EFCAB8: variants seen among roughly 807,000 people sequenced by gnomAD.
EFCAB8 encodes the protein EF-hand calcium-binding domain-containing protein 8.
Under a neutral mutation model 116.3 loss-of-function variants are expected in EFCAB8, and 100 were observed. The ratio of observed to expected loss-of-function variants is 0.86; its 90% confidence interval spans 0.73 to 1.02. The LOEUF is 1.02. EFCAB8 is among the 50% of genes least tolerant of loss of function. EFCAB8 has a pLI of 0.00. For missense variants in EFCAB8, 1,320 were observed against 1,416.9 expected, an observed-to-expected ratio of 0.93 and a Z score of 1.10; for synonymous variants, 558 against 567.9, an observed-to-expected ratio of 0.98 and a Z score of 0.25.
rs1331655563 is a variant in EFCAB8 at position 32,871,465 on chromosome 20, A to G, written c.208+3718A>G. ...ATTTTTTCATTTTTATTTTCTGTAGAGATGGTGTCTTGCTATGCTGTATTC... is the reference window on the plus strand; with the variant it reads ...ATTTTTTCATTTTTATTTTCTGTAGGGATGGTGTCTTGCTATGCTGTATTC... On this transcript the variant is annotated intron_variant, in intron 3 of 26. Coordinates refer to ENST00000400522, the MANE Select transcript of EFCAB8 (RefSeq NM_001143967.2). 1.3e-5 allele frequency among the ~76,000 whole-genome samples: 2 copies of G among 151,844 alleles called. 1 individual carries two copies. Among genetic ancestry groups the G allele is most frequent in the African/African-American group, 4.8e-5 (2 of 41,270 alleles).
intron 17 of EFCAB8, 153 bp from the exon 18 acceptor site, chr20:32,917,147 AG>A: frequency 1.6e-6 from 1 of 620,756 alleles, no homozygotes; most frequent in East Asian, 2.7e-5. Flanking sequence ...TTAGTAAATG[AG>A]GTCAATGGGA....
At chr20:32,873,975 C>T (rs1437454368) in intron 3 of EFCAB8, among the ~76,000 whole-genome samples, 1 of 151,882 alleles carries the variant, frequency 6.6e-6, no homozygotes, top group Non-Finnish European at 1.5e-5. Context: ...GGCTGGAGTG[C>T]AGTGGTGAAA....
Position 32,930,634 on chromosome 20 carries a change from G to A in EFCAB8, c.2631+18G>A. The A allele has an allele frequency of 6.5e-7, 1 of 1,549,248 alleles. No homozygotes were observed. Among genetic ancestry groups the A allele is most frequent in the Non-Finnish European group, 8.7e-7 (1 of 1,144,826 alleles). On this transcript the variant is annotated intron_variant, in intron 21 of 26. Coordinates refer to ENST00000400522, the MANE Select transcript of EFCAB8 (RefSeq NM_001143967.2). ...ACATCAAGGTGAGGAAGAACTGGCA[G>A]GAAGATTGAGGGGCTGGTGCCAGCT... is the stretch of plus-strand genomic sequence containing the variant.
chr20:32,920,826 T>C (rs931589674), intron 20 of EFCAB8, among the ~76,000 whole-genome samples: 1 of 151,594 alleles, frequency 6.6e-6, no homozygotes, highest in Admixed American at 6.6e-5. Flanking sequence ...GGATTGGGGG[T>C]AACAGTGTCC....
rs189372555 is a variant in EFCAB8, at chr20:32,880,454, A to G, written c.431+1647A>G. 2.8e-3 allele frequency among the ~76,000 whole-genome samples: 424 copies of G among 152,132 alleles called. 13 individuals are homozygous for G. Among genetic ancestry groups the G allele is most frequent in the Middle Eastern group, 0.014 (4 of 294 alleles). ...TGACTAATTTTTTTGTATTTTTAAT[A>G]GAGATGGGGTTTCACTGTGTTGGCT... On this transcript the variant is annotated intron_variant, in intron 5 of 26. Transcript: ENST00000400522.
intron 6 of EFCAB8, 68 bp downstream of exon 6, chr20:32,885,708 G>A (rs1352579804): frequency 6.6e-7 from 1 of 1,523,464 alleles, no homozygotes; most frequent in African/African-American, 1.4e-5. Flanking sequence ...GCACCCCCAT[G>A]GTGAAGGTGA....
At chr20:32,920,580 CGGAAACCCCT>C (rs556621565) in intron 20 of EFCAB8, among the ~76,000 whole-genome samples, 74 of 152,228 alleles carry the variant, frequency 4.9e-4, no homozygotes, top group Admixed American at 4.1e-3. Flanking sequence ...GCAGCAAAAG[CGGAAACCCCT>C]GATAAACCCA....
chr20:32,867,600 T>A lies in EFCAB8; in HGVS notation c.61T>A (p.Phe21Ile), dbSNP rs1472089084. Residue 21 changes from phenylalanine to isoleucine, a missense_variant, in exon 3 of 27, where the codon TTC becomes ATC. Physicochemically the swap from Phe to Ile is conservative, Grantham distance 21. Transcript: ENST00000400522. ...QLQKLSIPHG[F>I]QNKEAASSPT... ...GTTCCAGCTGTCCATCCCACATGGCTTCCAGAACAAGGAGGCTGCTAGCTC... is the reference window on the plus strand; with the variant it reads ...GTTCCAGCTGTCCATCCCACATGGCATCCAGAACAAGGAGGCTGCTAGCTC... 6.4e-7 allele frequency: 1 copy of A among 1,551,636 alleles called. No individual in the cohort carries two copies. Among genetic ancestry groups the A allele is most frequent in the Middle Eastern group, 1.7e-4 (1 of 5,992 alleles).
Position 32,938,712 on chromosome 20 carries a change from G to A in EFCAB8, c.2791-4924G>A, listed in dbSNP as rs1046907990. On this transcript the variant is annotated intron_variant, in intron 22 of 26. Transcript: ENST00000400522. The stretch of plus-strand genomic sequence containing the variant: ...CAAAAAAATACTTAGGAATAAATTT[G>A]GAAAAGTAGTGCAAAACTTGATTCC... Among the ~76,000 whole-genome samples the A allele has an allele frequency of 6.7e-5, 10 of 149,330 alleles. 2 individuals are homozygous for A. The highest frequency in any genetic ancestry group is 1.3e-4 in the Non-Finnish European group (9 of 67,272).
intron 20 of EFCAB8, 33 bp downstream of exon 20, chr20:32,920,248 A>G: frequency 6.5e-7 from 1 of 1,549,552 alleles, no homozygotes; most frequent in Non-Finnish European, 8.7e-7. Flanking sequence ...GAGGGATATG[A>G]GCTGGGGAGT....
intron 23 of EFCAB8, among the ~76,000 whole-genome samples, chr20:32,945,524 C>T (rs974173907): frequency 1.3e-5 from 2 of 152,084 alleles, no homozygotes; most frequent in African/African-American, 2.4e-5. Context: ...GTATTGTTTC[C>T]CTGAGCTTGT....
chr20:32,927,655 A>G (rs1027628177), intron 20 of EFCAB8, among the ~76,000 whole-genome samples: 1 of 152,150 alleles, frequency 6.6e-6, no homozygotes, highest in African/African-American at 2.4e-5. Context: ...AAAATACATT[A>G]AAGTCTTAAT....
intron 1 of EFCAB8, among the ~76,000 whole-genome samples, chr20:32,861,962 T>G (rs1028287386): frequency 6.6e-6 from 1 of 152,164 alleles, no homozygotes; most frequent in African/African-American, 2.4e-5. Flanking sequence ...TGGTAACCTC[T>G]TAATTGCCTT....
chr20:32,934,660 G>A (rs1286698657), intron 22 of EFCAB8, among the ~76,000 whole-genome samples: 1 of 152,122 alleles, frequency 6.6e-6, no homozygotes, highest in African/African-American at 2.4e-5. Context: ...TGAATCGTGG[G>A]GGTGGGTTTT....
At chr20:32,944,159 CA>C (rs1383790466) in intron 23 of EFCAB8, among the ~76,000 whole-genome samples, 2 of 152,046 alleles carry the variant, frequency 1.3e-5, no homozygotes, top group African/African-American at 4.8e-5. Context: ...AATACATACC[CA>C]TATAGCCACC....
chr20:32,937,558 C>T (rs796495588), intron 22 of EFCAB8, among the ~76,000 whole-genome samples: 77 of 152,112 alleles, frequency 5.1e-4, no homozygotes, highest in African/African-American at 1.8e-3. Context: ...ATAAAATTTC[C>T]CACAAAGAGA....
In EFCAB8 at chr20:32,898,576, C is replaced by T. The variant is rs770988571; in HGVS notation, c.1041C>T (p.Ser347=). Residue 347 remains serine (S), a synonymous_variant, in exon 11 of 27, where the codon TCC becomes TCT. Transcript: ENST00000400522. ...TCTCCTGTTCAGCCATCGAGAAGTC[C>T]TCTCTGGTGCTGACAATATTGCCAG... ...VVVSCSAIEK[S]SLVLTILPAK... 4 of 718,552 alleles carry T rather than the reference C, an allele frequency of 5.6e-6. No individual in the cohort carries two copies. The highest frequency in any genetic ancestry group is 1.0e-5 in the Non-Finnish European group (4 of 385,126). 44.5% of individuals were successfully genotyped at this position (718,552 alleles called of 1,614,324 possible).
At chr20:32,917,054 T>G in intron 17 of EFCAB8, 3 of 478,920 alleles carry the variant, frequency 6.3e-6, no homozygotes, top group South Asian at 2.8e-5. Flanking sequence ...TGACTGGGGG[T>G]GTATTACACA....
chr20:32,954,112 C>T (rs374736025), intron 23 of EFCAB8, among the ~76,000 whole-genome samples: 1 of 152,068 alleles, frequency 6.6e-6, no homozygotes, highest in Admixed American at 6.6e-5. Context: ...AGCATGATTA[C>T]GTTTTTTGAT....
Sources: gnomAD v4.1 joint callset for allele counts (sites outside exome capture counted in the v4.1 genomes callset) on GRCh38, gnomAD v4.1.1 for gene constraint, MANE v1.5 for transcripts, NCBI Gene and HGNC (gene_info 2026-07-23, HGNC 2026-07-21) for gene names.